Variants in SSBP2 observed in about 807,000 individuals in gnomAD.
SSBP2 encodes single stranded DNA binding protein 2.
Under a neutral mutation model 61.8 loss-of-function variants are expected in SSBP2, and 17 were observed. The observed-to-expected ratio is 0.28, with a 90% CI of 0.19 to 0.41. The LOEUF is 0.41. Ranked by LOEUF, SSBP2 falls within the 10% of genes least tolerant of loss-of-function variation. SSBP2 has a pLI of 1.00. For missense variants in SSBP2, 310 were observed against 458.7 expected (o/e 0.68, Z 2.96); for synonymous variants, 139 against 141.3 (o/e 0.98, Z 0.12).
At chr5:81,533,672 C>A (rs1770587124) in intron 4 of SSBP2, among the ~76,000 whole-genome samples, 1 of 151,986 alleles carries the variant, frequency 6.6e-6, no homozygotes, top group Non-Finnish European at 1.5e-5. Context: ...AACCACTGCC[C>A]CCAAAACTGG....
chr5:81,460,355 C>T (rs1418987496), intron 10 of SSBP2, among the ~76,000 whole-genome samples: 1 of 152,134 alleles, frequency 6.6e-6, no homozygotes, highest in South Asian at 2.1e-4. Context: ...TCTCACATAT[C>T]GAAGAACTCA....
chr5:81,552,269 T>C (rs1772254498), intron 4 of SSBP2, among the ~76,000 whole-genome samples: 1 of 152,186 alleles, frequency 6.6e-6, no homozygotes, highest in Non-Finnish European at 1.5e-5. Context: ...TAAATATCTA[T>C]AGTTAAGAAG....
intron 4 of SSBP2, among the ~76,000 whole-genome samples, chr5:81,610,607 C>T (rs1745349084): frequency 6.6e-6 from 1 of 151,964 alleles, no homozygotes; most frequent in Admixed American, 6.6e-5. Context: ...ACCCAAGAGA[C>T]AATGGAAAGC....
intron 1 of SSBP2, among the ~76,000 whole-genome samples, chr5:81,717,004 C>T (rs1324421255): frequency 6.6e-6 from 1 of 152,046 alleles, no homozygotes; most frequent in Admixed American, 6.6e-5. Flanking sequence ...GTTAATTGTT[C>T]TTTAAATACA....
chr5:81,540,045 G>A (rs11746820), intron 4 of SSBP2, among the ~76,000 whole-genome samples: 34,302 of 151,908 alleles, frequency 0.23, 4,956 homozygotes, highest in Middle Eastern at 0.37. Flanking sequence ...TTCCAGCTTC[G>A]TCCATGTCCC....
chr5:81,727,649 T>C (rs1755983331), intron 1 of SSBP2, among the ~76,000 whole-genome samples: 1 of 152,196 alleles, frequency 6.6e-6, no homozygotes, highest in African/African-American at 2.4e-5. Context: ...CAAATGCGTA[T>C]AATTTGAGAT....
intron 6 of SSBP2, among the ~76,000 whole-genome samples, chr5:81,482,927 C>T (rs147747262): frequency 2.0e-5 from 3 of 152,090 alleles, no homozygotes; most frequent in African/African-American, 4.8e-5. Flanking sequence ...GAGCGATGTG[C>T]GACTCTTCTT....
At chr5:81,567,744 A>G (rs569503965) in intron 4 of SSBP2, among the ~76,000 whole-genome samples, 1 of 152,348 alleles carries the variant, frequency 6.6e-6, no homozygotes, top group Admixed American at 6.5e-5. Context: ...GAGCTGCCCA[A>G]GATCATGGGA....
At chr5:81,450,210 A>C (rs954357680) in intron 10 of SSBP2, among the ~76,000 whole-genome samples, 1 of 152,086 alleles carries the variant, frequency 6.6e-6, no homozygotes, top group Non-Finnish European at 1.5e-5. Flanking sequence ...TTTTGTAGAG[A>C]TGGAGTTTTT....
At chr5:81,442,545 C>A (rs1452010888) in intron 13 of SSBP2, 108 bp downstream of exon 13, 17 of 633,100 alleles carry the variant, frequency 2.7e-5, no homozygotes, top group Non-Finnish European at 4.6e-5. Context: ...ATCTAATAAG[C>A]TCCTGGATAA....
chr5:81,725,554 A>G (rs940908262), intron 1 of SSBP2, among the ~76,000 whole-genome samples: 2 of 152,154 alleles, frequency 1.3e-5, no homozygotes, highest in Non-Finnish European at 2.9e-5. Flanking sequence ...GAGGACATGT[A>G]TGAAAATGAA....
chr5:81,614,359 C>CA (rs10659647), intron 4 of SSBP2, among the ~76,000 whole-genome samples: 1,001 of 73,514 alleles, frequency 0.014, 64 homozygotes, highest in Non-Finnish European at 0.018. Flanking sequence ...GACTCCGTCT[C>CA]AAAAAAAAAA....
chr5:81,637,704 A>C (rs1374592095), intron 2 of SSBP2, among the ~76,000 whole-genome samples: 1 of 152,210 alleles, frequency 6.6e-6, no homozygotes, highest in Non-Finnish European at 1.5e-5. Context: ...TGGTTAGTAC[A>C]TGAAAATCAC....
intron 4 of SSBP2, among the ~76,000 whole-genome samples, chr5:81,593,743 G>T (rs1430284331): frequency 2.6e-5 from 4 of 152,172 alleles, no homozygotes; most frequent in Non-Finnish European, 5.9e-5. Context: ...GCCAAACTAA[G>T]CTTCACAAGT....
At chr5:81,524,144 G>T (rs1769725731) in intron 4 of SSBP2, among the ~76,000 whole-genome samples, 2 of 151,954 alleles carry the variant, frequency 1.3e-5, no homozygotes, top group African/African-American at 4.8e-5. Context: ...CCCCTCTGTG[G>T]TAGGCAGAAT....
intron 4 of SSBP2, among the ~76,000 whole-genome samples, chr5:81,534,884 A>C (rs6884379): frequency 0.04 from 6,112 of 152,158 alleles, 180 homozygotes; most frequent in African/African-American, 0.08. Flanking sequence ...AAAAGAAAGC[A>C]AAATCCCATC....
chr5:81,484,596 T>G (rs919721106), intron 6 of SSBP2, among the ~76,000 whole-genome samples: 13 of 152,112 alleles, frequency 8.5e-5, no homozygotes, highest in African/African-American at 3.1e-4. Flanking sequence ...AATAATGAGC[T>G]CCCAATAATA....
chr5:81,477,043 C>T (rs1765641647), intron 6 of SSBP2, among the ~76,000 whole-genome samples: 2 of 151,826 alleles, frequency 1.3e-5, no homozygotes, highest in South Asian at 4.2e-4. Context: ...AACATACCCA[C>T]ATCCATTTTT....
intron 2 of SSBP2, among the ~76,000 whole-genome samples, chr5:81,637,432 G>A (rs1475741871): frequency 6.6e-6 from 1 of 152,152 alleles, no homozygotes; most frequent in Non-Finnish European, 1.5e-5. Context: ...TACATTCTCT[G>A]TTGAAACACT....
Sources: gnomAD v4.1 joint callset for allele counts (sites outside exome capture counted in the v4.1 genomes callset) on GRCh38, gnomAD v4.1.1 for gene constraint, MANE v1.5 for transcripts, NCBI Gene and HGNC (gene_info 2026-07-23, HGNC 2026-07-21) for gene names.